PUM2: variants seen among roughly 807,000 people sequenced by gnomAD.
The protein encoded by PUM2 is pumilio RNA binding family member 2, also known as pumilio homolog 2.
A neutral mutation model predicts 124.5 loss-of-function variants in PUM2; 57 were observed. The ratio of observed to expected loss-of-function variants is 0.46; its 90% CI spans 0.37 to 0.57. The LOEUF is 0.57. Among genes scored for constraint, PUM2 ranks in the 20% least tolerant of loss-of-function variants. PUM2 has a pLI of 0.00. For synonymous variants in PUM2, 460 were observed against 446.1 expected, an observed-to-expected ratio of 1.03 and a Z score of -0.39; for missense variants, 1,065 against 1,290.6, an observed-to-expected ratio of 0.83 and a Z score of 2.68.
intron 10 of PUM2, 100 bp from the exon 11 acceptor site, chr2:20,283,586 A>AT: frequency 8.6e-7 from 1 of 1,168,190 alleles, no homozygotes. Context: ...CAACACAGCT[A>AT]TTTGTACCAT....
chr2:20,264,354 AAAAAAAAAAAAAAATATATATATAT>A (rs1667038314), intron 13 of PUM2, among the ~76,000 whole-genome samples: 1 of 80,040 alleles, frequency 1.2e-5, no homozygotes, highest in African/African-American at 5.1e-5. Context: ...AAAAAAAAAA[AAAAAAAAAAAAAAATATATATATAT>A]ATATATATAT....
At chr2:20,252,518 A>C (rs1002241270) in intron 20 of PUM2, among the ~76,000 whole-genome samples, 1 of 152,256 alleles carries the variant, frequency 6.6e-6, no homozygotes, top group African/African-American at 2.4e-5. Context: ...TTTTCTCTCT[A>C]TATGAGGAGA....
chr2:20,264,068 G>A (rs901016517), intron 13 of PUM2, among the ~76,000 whole-genome samples: 16 of 151,650 alleles, frequency 1.1e-4, no homozygotes, highest in East Asian at 5.8e-4. Context: ...GTTGGGCGTC[G>A]TGGCTCATGC....
At chr2:20,260,657 T>TAA (rs1665958550) in intron 14 of PUM2, among the ~76,000 whole-genome samples, 191 bp from the exon 15 acceptor site, 1 of 152,192 alleles carries the variant, frequency 6.6e-6, no homozygotes, top group Admixed American at 6.5e-5. Flanking sequence ...TATCTAAAGA[T>TAA]AGAGTGACAA....
rs1422355613 is a variant in PUM2 at position 20,249,833 on chromosome 2, C to G, written c.*1752G>C. ...TCTTTCAGAAACTGAATATACACAG[C>G]AAGTTTTTTTCCAAAATATTTTCAT... On this transcript the variant is annotated 3_prime_UTR_variant, in exon 21 of 21. Coordinates refer to ENST00000361078, the MANE Select transcript of PUM2 (RefSeq NM_015317.5). 1 of 152,548 alleles carries G rather than the reference C, an allele frequency of 6.6e-6. No homozygotes were observed. Among genetic ancestry groups the G allele is most frequent in the East Asian group, 1.9e-4 (1 of 5,198 alleles). The allele number at this position is 152,548 out of a possible 1,614,324, so 9.4% of individuals were successfully genotyped here.
chr2:20,292,108 AAGGACTCC>A (rs1177389347), intron 9 of PUM2, among the ~76,000 whole-genome samples: 1 of 150,244 alleles, frequency 6.7e-6, no homozygotes. Context: ...TTTTTCATAA[AAGGACTCC>A]AGGTGCATGA....
intron 3 of PUM2, among the ~76,000 whole-genome samples, chr2:20,318,114 T>C (rs1681440566): frequency 6.6e-6 from 1 of 152,222 alleles, no homozygotes; most frequent in African/African-American, 2.4e-5. Context: ...ATTGACACAA[T>C]GCTTTCCACA....
At chr2:20,334,129 C>A (rs1685494221) in intron 1 of PUM2, among the ~76,000 whole-genome samples, 1 of 151,990 alleles carries the variant, frequency 6.6e-6, no homozygotes, top group Non-Finnish European at 1.5e-5. Context: ...TTAAATACAT[C>A]CTGTTTCTAC....
intron 14 of PUM2, among the ~76,000 whole-genome samples, chr2:20,261,913 G>A (rs1666392401): frequency 1.3e-5 from 2 of 152,054 alleles, no homozygotes; most frequent in South Asian, 2.1e-4. Context: ...GCAACACAGT[G>A]AGACCCTGTC....
At chr2:20,295,405 C>T (rs1213904438) in intron 8 of PUM2, among the ~76,000 whole-genome samples, 1 of 151,978 alleles carries the variant, frequency 6.6e-6, no homozygotes, top group East Asian at 1.9e-4. Context: ...TTTCACGTTG[C>T]ATTCAAAGGG....
chr2:20,283,921 A>C (rs1672136631), intron 10 of PUM2, among the ~76,000 whole-genome samples: 1 of 152,252 alleles, frequency 6.6e-6, no homozygotes, highest in South Asian at 2.1e-4. Context: ...GCATTCCGTT[A>C]GATTTTCATT....
chr2:20,271,020 A>C (rs1299357022), intron 13 of PUM2, among the ~76,000 whole-genome samples: 1 of 152,202 alleles, frequency 6.6e-6, no homozygotes, highest in Non-Finnish European at 1.5e-5. Context: ...AGAACATTAC[A>C]ATCATTATAT....
chr2:20,350,826 C>T lies in PUM2; in HGVS notation c.-248G>A. On this transcript the variant is annotated 5_prime_UTR_variant, in exon 1 of 21. The change creates a new upstream start codon in the 5' untranslated region. Transcript: ENST00000361078. ...GAGACTCACAACAACATGGCTGCCA[C>T]CGCCGCCTGCCCTCCCCTCCCCCCC... is the stretch of plus-strand genomic sequence containing the variant. The T allele has an allele frequency of 1.0e-6, 1 of 978,688 alleles. No individual in the cohort carries two copies. The highest frequency in any genetic ancestry group is 1.2e-6 in the Non-Finnish European group (1 of 824,160). 60.6% of individuals were successfully genotyped at this position (978,688 alleles called of 1,614,324 possible).
At chr2:20,297,420 T>C (rs1675881344) in intron 8 of PUM2, 133 bp downstream of exon 8, 1 of 861,890 alleles carries the variant, frequency 1.2e-6, no homozygotes, top group South Asian at 3.1e-5. Context: ...CTGGAAACTT[T>C]AGTTCATTCT....
intron 1 of PUM2, among the ~76,000 whole-genome samples, chr2:20,327,948 AAGG>A (rs1197580093): frequency 6.6e-6 from 1 of 152,220 alleles, no homozygotes; most frequent in Non-Finnish European, 1.5e-5. Flanking sequence ...GACAGACTCC[AAGG>A]AGCTCAATTA....
In PUM2 at chr2:20,327,112, T is replaced by A. The variant is rs139748279; in HGVS notation, c.51+198A>T. ...ATCACCTAGACACAAATAATCACACTAAAAATTACTGCTAAAAGCTTTTTT... is the reference window on the plus strand; with the variant it reads ...ATCACCTAGACACAAATAATCACACAAAAAATTACTGCTAAAAGCTTTTTT... On this transcript the variant is annotated intron_variant, in intron 2 of 20. Coordinates refer to ENST00000361078, the MANE Select transcript of PUM2 (RefSeq NM_015317.5). 1.2e-3 allele frequency among the ~76,000 whole-genome samples: 184 copies of A among 151,542 alleles called. 3 individuals are homozygous for A. The East Asian group carries it at 0.032, about 27-fold the overall frequency.
At chr2:20,278,894 G>C in intron 12 of PUM2, 75 bp from the exon 13 acceptor site, 2 of 1,064,018 alleles carry the variant, frequency 1.9e-6, no homozygotes, top group Non-Finnish European at 2.8e-6. Context: ...CTCTCGCTGG[G>C]CAATAACAGA....
intron 2 of PUM2, among the ~76,000 whole-genome samples, chr2:20,320,966 A>T (rs892901323): frequency 1.3e-5 from 2 of 152,246 alleles, no homozygotes; most frequent in Non-Finnish European, 2.9e-5. Context: ...CTCAGTATCA[A>T]AATAATAACA....
At chr2:20,337,488 A>G (rs1686367634) in intron 1 of PUM2, among the ~76,000 whole-genome samples, 1 of 152,174 alleles carries the variant, frequency 6.6e-6, no homozygotes, top group Non-Finnish European at 1.5e-5. Flanking sequence ...TTCTCTCTAC[A>G]TGTTTGAAAG....
Sources: allele counts gnomAD v4.1 joint callset (sites outside exome capture counted in the v4.1 genomes callset), GRCh38; gene constraint gnomAD v4.1.1; transcripts MANE v1.5; gene names NCBI Gene and HGNC (gene_info 2026-07-23, HGNC 2026-07-21).